The following DLGAP1 variants were observed in gnomAD, a reference collection of about 807,000 sequenced individuals.
DLGAP1 encodes disks large-associated protein 1.
In DLGAP1, 11 loss-of-function variants were observed where a neutral mutation model predicts 90.8. The ratio of observed to expected loss-of-function variants is 0.12; its 90% CI spans 0.08 to 0.20. The LOEUF (loss-of-function observed/expected upper bound fraction) is 0.20. Ranked by LOEUF, DLGAP1 falls within the 10% of genes least tolerant of loss-of-function variation. The pLI is 1.00. For missense variants in DLGAP1, 1,050 were observed against 1,333.8 expected (o/e 0.79, Z 3.31); for synonymous variants, 558 against 540.7 (o/e 1.03, Z -0.44).
intron 3 of DLGAP1, among the ~76,000 whole-genome samples, chr18:3,992,779 T>A (rs1461388936): frequency 6.6e-6 from 1 of 152,124 alleles, no homozygotes; most frequent in Non-Finnish European, 1.5e-5. Flanking sequence ...GTACAAATAC[T>A]TTCAAAAAGA....
rs753806415 is a variant in DLGAP1 at position 3,582,106 on chromosome 18, T to C, written c.1734A>G (p.Gly578=). 1 of 1,613,844 alleles carries C rather than the reference T, an allele frequency of 6.2e-7. No homozygotes were observed. Among genetic ancestry groups the C allele is most frequent in the Non-Finnish European group, 8.5e-7 (1 of 1,179,982 alleles). The part of the protein sequence containing the change: ...DAYMDGQGQR[G]DIISQSGLSN... Reference sequence around the variant, plus strand: ...TGAGTCCAGACTGGCTGATAATATCTCCTCGCTGGCCCTGTCCGTCCATGT... The same window carrying C: ...TGAGTCCAGACTGGCTGATAATATCCCCTCGCTGGCCCTGTCCGTCCATGT... Residue 578 remains glycine, a synonymous_variant, in exon 8 of 13, where the codon GGA becomes GGG. Coordinates refer to ENST00000315677, the MANE Select transcript of DLGAP1 (RefSeq NM_004746.4).
chr18:4,101,628 G>A (rs9964812), intron 2 of DLGAP1, among the ~76,000 whole-genome samples: 16,000 of 149,318 alleles, frequency 0.11, 883 homozygotes, highest in Middle Eastern at 0.16. Context: ...AAAAAGTGAC[G>A]TGCAATAAAA....
At chr18:4,182,143 C>CT (rs979761840) in intron 1 of DLGAP1, among the ~76,000 whole-genome samples, 4 of 152,050 alleles carry the variant, frequency 2.6e-5, no homozygotes. Context: ...TATTACCAAC[C>CT]TTTTTTCTGA....
intron 7 of DLGAP1, among the ~76,000 whole-genome samples, chr18:3,658,848 A>C (rs1260666639): frequency 6.6e-6 from 1 of 152,240 alleles, no homozygotes; most frequent in East Asian, 1.9e-4. Context: ...TGCTCTGATC[A>C]GTATGTAGAA....
intron 3 of DLGAP1, among the ~76,000 whole-genome samples, chr18:3,947,208 TCC>T (rs891384498): frequency 6.6e-6 from 1 of 152,152 alleles, no homozygotes; most frequent in Non-Finnish European, 1.5e-5. Flanking sequence ...AGGGGATTGT[TCC>T]TACCAAGAAA....
intron 1 of DLGAP1, among the ~76,000 whole-genome samples, chr18:4,175,381 G>A (rs1486372649): frequency 6.6e-6 from 1 of 152,146 alleles, no homozygotes; most frequent in Non-Finnish European, 1.5e-5. Flanking sequence ...TGTTGACTCT[G>A]ATGATAATTT....
intron 1 of DLGAP1, among the ~76,000 whole-genome samples, chr18:4,388,092 TG>T (rs2082272109): frequency 6.6e-6 from 1 of 151,446 alleles, no homozygotes. Flanking sequence ...GAGGACGGAG[TG>T]GAAGCTAGGC....
chr18:4,056,044 T>TG (rs2075210494), intron 2 of DLGAP1, among the ~76,000 whole-genome samples: 1 of 152,138 alleles, frequency 6.6e-6, no homozygotes, highest in Admixed American at 6.5e-5. Context: ...TTGATCATCT[T>TG]CCCTTTAAAG....
chr18:3,977,988 C>T (rs1021697039), intron 3 of DLGAP1: 1 of 369,250 alleles, frequency 2.7e-6, no homozygotes, highest in East Asian at 8.1e-5. Context: ...TTGCCTACAG[C>T]CTTGGTAGCA....
At chr18:3,873,211 C>G (rs2070860953) in intron 4 of DLGAP1, among the ~76,000 whole-genome samples, 1 of 151,878 alleles carries the variant, frequency 6.6e-6, no homozygotes, top group Non-Finnish European at 1.5e-5. Context: ...AAAAGAGAAT[C>G]AGAGAGAGAG....
In DLGAP1 at chr18:3,848,917, C is replaced by G. The variant is rs147150154; in HGVS notation, c.957+30195G>C. On this transcript the variant is annotated intron_variant, in intron 4 of 12. Transcript: ENST00000315677. Reference sequence around the variant, plus strand: ...ATATTAGCTTTCTTTGCTCCTCCCCCCAACACTAGCAAGGATATAAAGATT... The same window carrying G: ...ATATTAGCTTTCTTTGCTCCTCCCCGCAACACTAGCAAGGATATAAAGATT... 5.1e-3 allele frequency among the ~76,000 whole-genome samples: 779 copies of G among 152,282 alleles called. 5 individuals carry two copies. The highest frequency in any genetic ancestry group is 6.6e-3 in the Non-Finnish European group (447 of 68,020).
At chr18:3,778,773 C>T (rs918803009) in intron 5 of DLGAP1, among the ~76,000 whole-genome samples, 6 of 152,116 alleles carry the variant, frequency 3.9e-5, no homozygotes, top group Admixed American at 3.3e-4. Flanking sequence ...GATAAATATT[C>T]CCTGGGAGAG....
intron 4 of DLGAP1, among the ~76,000 whole-genome samples, chr18:3,853,585 T>C (rs1381420582): frequency 6.6e-6 from 1 of 151,678 alleles, no homozygotes; most frequent in Non-Finnish European, 1.5e-5. Context: ...GTAAACTCTA[T>C]GATGTTCACA....
chr18:3,720,888 C>CCAAAAAAAAAAAAAAA (rs1441095000), intron 7 of DLGAP1, among the ~76,000 whole-genome samples: 14 of 50,306 alleles, frequency 2.8e-4, no homozygotes, highest in African/African-American at 9.6e-4. Context: ...CTTGTCTCTA[C>CCAAAAAAAAAAAAAAA]AAAAAAAAAA....
chr18:3,898,037 G>T (rs183272446), intron 3 of DLGAP1, among the ~76,000 whole-genome samples: 6 of 148,078 alleles, frequency 4.1e-5, no homozygotes, highest in East Asian at 3.9e-4. Flanking sequence ...CTCGTGATCC[G>T]CCCGCCTTGG....
chr18:4,089,941 AGACT>A (rs2075748163), intron 2 of DLGAP1, among the ~76,000 whole-genome samples: 3 of 152,156 alleles, frequency 2.0e-5, no homozygotes, highest in Non-Finnish European at 4.4e-5. Context: ...GCTACTCAGG[AGACT>A]GAGGCAGGAG....
Position 3,534,462 on chromosome 18 carries a change from G to A in DLGAP1, c.2211C>T (p.Ser737=), listed in dbSNP as rs555392340. The A allele has an allele frequency of 6.2e-7, 1 of 1,614,092 alleles. No homozygotes were observed. Among genetic ancestry groups the A allele is most frequent in the Non-Finnish European group, 8.5e-7 (1 of 1,180,040 alleles). ...ARQFSRDAST[S]TVSIQGSGNH... ...TTCCTGAGCCCTGAATGCTGACTGT[G>A]GAGGTGCTGGCATCGCGGGAGAACT... Residue 737 remains serine (S), a synonymous_variant, in exon 10 of 13, where the codon TCC becomes TCT. Transcript: ENST00000315677.
intron 10 of DLGAP1, among the ~76,000 whole-genome samples, chr18:3,516,209 G>A (rs2050835973): frequency 6.6e-6 from 1 of 151,826 alleles, no homozygotes. Context: ...TTCCTTTCCA[G>A]AAGTTTTTCT....
At chr18:3,964,223 C>A (rs1462163808) in intron 3 of DLGAP1, among the ~76,000 whole-genome samples, 1 of 151,934 alleles carries the variant, frequency 6.6e-6, no homozygotes, top group East Asian at 1.9e-4. Context: ...AGGAAGAACA[C>A]CAGAGGTAAA....
Sources: allele counts gnomAD v4.1 joint callset (sites outside exome capture counted in the v4.1 genomes callset), GRCh38; gene constraint gnomAD v4.1.1; transcripts MANE v1.5; gene names NCBI Gene and HGNC (gene_info 2026-07-23, HGNC 2026-07-21).